RFLNA: variants seen among roughly 807,000 people sequenced by gnomAD.
RFLNA encodes refilin A.
In RFLNA, 5 loss-of-function variants were observed where a neutral mutation model predicts 7.8. That is an observed-to-expected ratio of 0.64 (90% confidence interval 0.34 to 1.35). The LOEUF (loss-of-function observed/expected upper bound fraction) is 1.35, where lower values mean the gene tolerates loss of function less well. RFLNA is among the 40% of genes most tolerant of loss of function. RFLNA has a pLI of 0.04. For missense variants in RFLNA, 278 were observed against 305.5 expected, an observed-to-expected ratio of 0.91 and a Z score of 0.67; for synonymous variants, 141 against 131.3, an observed-to-expected ratio of 1.07 and a Z score of -0.50.
At chr12:124,304,848 C>A (rs1336117028) in intron 1 of RFLNA, among the ~76,000 whole-genome samples, 2 of 152,162 alleles carry the variant, frequency 1.3e-5, no homozygotes, top group Non-Finnish European at 2.9e-5. Flanking sequence ...ACATGTCACC[C>A]CCTCTTGCGG....
Position 124,314,458 on chromosome 12 carries a change from C to G in RFLNA, c.584C>G (p.Thr195Ser). The part of the protein sequence containing the change: ...CSLGRPSRWF[T>S]ASVQLQLCQD... The stretch of plus-strand genomic sequence containing the variant: ...CTGGGCCGGCCCAGCCGCTGGTTCA[C>G]CGCCAGCGTGCAGCTGCAGCTTTGC... Residue 195 changes from threonine to serine, a missense_variant, in exon 3 of 3, where the codon ACC (threonine) becomes AGC (serine). Coordinates refer to ENST00000546355, the MANE Select transcript of RFLNA (RefSeq NM_001365156.1). The G allele has an allele frequency of 6.2e-7, 1 of 1,600,542 alleles. No individual in the cohort carries two copies. The highest frequency in any genetic ancestry group is 8.5e-7 in the Non-Finnish European group (1 of 1,179,526).
intron 1 of RFLNA, among the ~76,000 whole-genome samples, chr12:124,307,080 G>A (rs759711870): frequency 1.3e-5 from 2 of 152,230 alleles, no homozygotes; most frequent in Non-Finnish European, 2.9e-5. Context: ...CGCACTAGAC[G>A]CTGGGGTGTA....
In RFLNA at chr12:124,314,869, C is replaced by T. The variant is rs996022067; in HGVS notation, c.*344C>T. The T allele has an allele frequency of 7.5e-5, 34 of 451,372 alleles. No individual in the cohort carries two copies. Among genetic ancestry groups the T allele is most frequent in the South Asian group, 3.7e-4 (20 of 54,748 alleles). 28.0% of individuals were successfully genotyped at this position (451,372 alleles called of 1,614,324 possible). A position where few individuals can be genotyped will look rare whatever the true frequency, so the allele number is the denominator to read the frequency against. On this transcript the variant is annotated 3_prime_UTR_variant, in exon 3 of 3. Transcript: ENST00000546355. ...GTGCCCTTGAAGCAGAGAACAGCCC[C>T]GAGCAGTGTGAGGACAGAGGCATCC... is the stretch of plus-strand genomic sequence containing the variant.
In RFLNA at chr12:124,296,072, T is replaced by TTTTCTTTCTTTCTTCTTTC. The variant is rs1213737495; in HGVS notation, c.207+450_207+451insCTTTCTTTCTTTCTTTCTT. Among the ~76,000 whole-genome samples, 831 of 94,720 alleles carry TTTTCTTTCTTTCTTCTTTC rather than the reference T, an allele frequency of 8.8e-3. 88 individuals are homozygous for TTTTCTTTCTTTCTTCTTTC. The highest frequency in any genetic ancestry group is 0.013 in the African/African-American group (271 of 20,272). 62.1% of individuals were successfully genotyped at this position (94,720 alleles called of 152,430 possible). Reference sequence around the variant, plus strand: ...TCCGGGCGCTGCCAATGTGAAAGCCTTTTCTTTCTTTCTTTCTTTCTTTCT... The same window carrying TTTTCTTTCTTTCTTCTTTC: ...TCCGGGCGCTGCCAATGTGAAAGCCTTTTCTTTCTTTCTTCTTTCTTTCTTTCTTTCTTTCTTTCTTTCT... On this transcript the variant is annotated intron_variant, in intron 1 of 2. Coordinates refer to ENST00000546355, the MANE Select transcript of RFLNA (RefSeq NM_001365156.1).
chr12:124,304,923 C>G (rs2034112057), intron 1 of RFLNA, among the ~76,000 whole-genome samples: 1 of 152,208 alleles, frequency 6.6e-6, no homozygotes, highest in African/African-American at 2.4e-5. Context: ...ACAGTAGGTG[C>G]TCAGCAAACA....
At chr12:124,310,667 G>A (rs2034228605) in intron 1 of RFLNA, among the ~76,000 whole-genome samples, 2 of 152,046 alleles carry the variant, frequency 1.3e-5, no homozygotes, top group South Asian at 4.1e-4. Flanking sequence ...CACCGGGCAG[G>A]GGCATGCCCC....
intron 1 of RFLNA, among the ~76,000 whole-genome samples, chr12:124,307,807 A>G (rs2034162479): frequency 6.6e-6 from 1 of 152,148 alleles, no homozygotes; most frequent in South Asian, 2.1e-4. Flanking sequence ...ATTCTCGCAC[A>G]GTTCCGGAGG....
At chr12:124,291,613 G>A (rs1040542477), upstream of RFLNA, among the ~76,000 whole-genome samples, 18 of 152,204 alleles carry the variant, frequency 1.2e-4, no homozygotes, top group African/African-American at 3.6e-4. Context: ...ACGATGGTGC[G>A]TGTGCAGAGC....
intron 1 of RFLNA, among the ~76,000 whole-genome samples, chr12:124,303,865 C>T (rs929148631): frequency 5.3e-5 from 8 of 152,266 alleles, no homozygotes; most frequent in East Asian, 1.9e-4. Context: ...GGGTGGGGAG[C>T]GGGCCTGTCT....
At position 124,289,784 on chromosome 12, in the gene RFLNA, C is replaced by A. The variant is rs538531961; in HGVS notation, c.-37+414C>A. ...AGCTGGGGACTGAGCAAGGGCACTG[C>A]GGAAAAGTCCCTCGGGTGAGACAGG... On this transcript the variant is annotated intron_variant, in intron 1 of 2. Coordinates refer to the RFLNA transcript ENST00000324038. The surrounding 1 kb of genome is among the most constrained non-coding windows in gnomAD (Gnocchi z 5.0). 6.6e-6 allele frequency among the ~76,000 whole-genome samples: 1 copy of A among 152,160 alleles called. No individual in the cohort carries two copies. The highest frequency in any genetic ancestry group is 2.1e-4 in the South Asian group (1 of 4,824).
At chr12:124,294,182 C>T (rs997464504), upstream of RFLNA, among the ~76,000 whole-genome samples, 4 of 152,216 alleles carry the variant, frequency 2.6e-5, no homozygotes, top group Admixed American at 6.5e-5. Flanking sequence ...CGGCTTCCCG[C>T]CCCTGATCTT....
chr12:124,310,865 T>C (rs2034232091), intron 1 of RFLNA, among the ~76,000 whole-genome samples: 1 of 152,192 alleles, frequency 6.6e-6, no homozygotes, highest in Non-Finnish European at 1.5e-5. Context: ...TAGAACTCTC[T>C]TTCCCCACCT....
chr12:124,301,442 G>A (rs747291172), intron 1 of RFLNA, among the ~76,000 whole-genome samples: 3 of 152,186 alleles, frequency 2.0e-5, no homozygotes, highest in Non-Finnish European at 2.9e-5. Flanking sequence ...CAGCTTTCCC[G>A]GAGACAGCTT....
At chr12:124,307,877 C>T (rs2034163934) in intron 1 of RFLNA, among the ~76,000 whole-genome samples, 1 of 152,130 alleles carries the variant, frequency 6.6e-6, no homozygotes, top group South Asian at 2.1e-4. Context: ...CCAGGGGAGG[C>T]TCCTTCCTGC....
chr12:124,306,154 G>A lies in RFLNA; in HGVS notation c.208-5664G>A, dbSNP rs1227783858. 6.6e-6 allele frequency among the ~76,000 whole-genome samples: 1 copy of A among 152,204 alleles called. No homozygotes were observed. Among genetic ancestry groups the A allele is most frequent in the Non-Finnish European group, 1.5e-5 (1 of 68,030 alleles). On this transcript the variant is annotated intron_variant, in intron 1 of 2. Transcript: ENST00000546355. This position sits in a 1 kb window ranked among gnomAD's most constrained non-coding sequence, Gnocchi z 5.2. ...AGGTGTGGGGTCTCCCCTCCCCATA[G>A]TGCAGGGGCGGAGAGGTGCCAGGTC...
At chr12:124,308,432 G>C (rs1030996506) in intron 1 of RFLNA, among the ~76,000 whole-genome samples, 3 of 131,952 alleles carry the variant, frequency 2.3e-5, no homozygotes, top group Admixed American at 7.2e-5. Flanking sequence ...CATGGGCTTT[G>C]GGGGGGGACC....
chr12:124,293,788 T>G (rs2033858464), upstream of RFLNA, among the ~76,000 whole-genome samples: 1 of 152,184 alleles, frequency 6.6e-6, no homozygotes, highest in African/African-American at 2.4e-5. Context: ...GCATGCACCT[T>G]ACTCCTGCTG....
chr12:124,297,386 G>A (rs2033947677), intron 1 of RFLNA, among the ~76,000 whole-genome samples: 1 of 152,170 alleles, frequency 6.6e-6, no homozygotes, highest in South Asian at 2.1e-4. Context: ...GCCCGGGGCT[G>A]TTTCCTCATG....
chr12:124,299,790 G>A (rs112255893), intron 1 of RFLNA, among the ~76,000 whole-genome samples: 6,901 of 150,892 alleles, frequency 0.046, 291 homozygotes, highest in African/African-American at 0.11. Flanking sequence ...TATTTAAAGC[G>A]GGGTGGGTGA....
Sources: allele counts gnomAD v4.1 joint callset (sites outside exome capture counted in the v4.1 genomes callset), GRCh38; gene constraint gnomAD v4.1.1; non-coding constraint Gnocchi (gnomAD v3.1); transcripts MANE v1.5; gene names NCBI Gene and HGNC (gene_info 2026-07-23, HGNC 2026-07-21).